Variants in ADCY5 observed in about 807,000 individuals in gnomAD.
ADCY5 encodes adenylate cyclase type 5.
ADCY5 carries 30 observed loss-of-function variants against 119.7 expected under a neutral mutation model. The observed-to-expected ratio is 0.25, with a 90% confidence interval of 0.19 to 0.34. The LOEUF is 0.34. ADCY5 is among the 10% of genes least tolerant of loss of function. The pLI is 1.00. For missense variants in ADCY5, 1,324 were observed against 1,775.2 expected, an observed-to-expected ratio of 0.75 and a Z score of 4.57; for synonymous variants, 753 against 762.2, an observed-to-expected ratio of 0.99 and a Z score of 0.20.
rs1941615232 is a variant in ADCY5, at chr3:123,328,745, C to A, written c.1704G>T (p.Gly568=). Reference sequence around the variant, plus strand: ...GACCAAGGACACCGCAGTGTACTCGCCCGCTGTGAATTCCCACACGCATGT... The same window carrying A: ...GACCAAGGACACCGCAGTGTACTCGACCGCTGTGAATTCCCACACGCATGT... ...NVNMRVGIHS[G]RVHCGVLGLR... is the part of the protein sequence containing the mutation. Residue 568 remains glycine (G), a synonymous_variant, in exon 6 of 21, where the codon GGG becomes GGT. Coordinates refer to ENST00000462833, the MANE Select transcript of ADCY5 (RefSeq NM_183357.3). 1 of 1,614,252 alleles carries A rather than the reference C, an allele frequency of 6.2e-7. No homozygotes were observed. The highest frequency in any genetic ancestry group is 1.1e-5 in the South Asian group (1 of 91,090).
At chr3:123,321,286 C>T (rs1488356406) in intron 8 of ADCY5, among the ~76,000 whole-genome samples, 1 of 152,208 alleles carries the variant, frequency 6.6e-6, no homozygotes, top group Non-Finnish European at 1.5e-5. Context: ...ACTCTAGTTA[C>T]CTGCAACAGC....
chr3:123,436,406 T>TA (rs149690354), intron 1 of ADCY5, among the ~76,000 whole-genome samples: 4,040 of 152,038 alleles, frequency 0.027, 183 homozygotes, highest in African/African-American at 0.09. Flanking sequence ...ATTTGTCTTT[T>TA]AAAAAAACTG....
In ADCY5 at chr3:123,352,938, A is replaced by G. The variant is rs1318818431; in HGVS notation, c.1135-357T>C. Among the ~76,000 whole-genome samples the G allele has an allele frequency of 6.6e-6, 1 of 152,186 alleles. No homozygotes were observed. Among genetic ancestry groups the G allele is most frequent in the African/African-American group, 2.4e-5 (1 of 41,432 alleles). The stretch of plus-strand genomic sequence containing the variant: ...AGGGCCACTGCAAGGAAGGTGCCAC[A>G]AGGGTGCTGGGATTTCACTTTTGAA... On this transcript the variant is annotated intron_variant, in intron 1 of 20. Transcript: ENST00000462833. This position sits in a 1 kb window ranked among gnomAD's most constrained non-coding sequence, Gnocchi z 4.8.
chr3:123,336,843 G>A (rs1047123679), intron 3 of ADCY5, among the ~76,000 whole-genome samples: 3 of 152,172 alleles, frequency 2.0e-5, no homozygotes, highest in Non-Finnish European at 4.4e-5. Context: ...GGCAACTCTT[G>A]TCACACTAGA....
intron 1 of ADCY5, among the ~76,000 whole-genome samples, chr3:123,372,733 T>C (rs1316233507): frequency 6.6e-6 from 1 of 152,194 alleles, no homozygotes; most frequent in Non-Finnish European, 1.5e-5. Flanking sequence ...GAAAGTCAGC[T>C]GTCAGTCAAA....
intron 1 of ADCY5, among the ~76,000 whole-genome samples, chr3:123,378,006 C>T (rs1014609576): frequency 1.3e-5 from 2 of 150,464 alleles, no homozygotes; most frequent in African/African-American, 4.9e-5. Context: ...ACAAAACAAT[C>T]AAACTGGTAT....
chr3:123,408,668 A>G (rs1392797098), intron 1 of ADCY5, among the ~76,000 whole-genome samples: 2 of 135,582 alleles, frequency 1.5e-5, no homozygotes, highest in Non-Finnish European at 3.1e-5. Context: ...AAAAAAAAAA[A>G]GCAGACACAA....
chr3:123,301,145 C>A (rs752812744), intron 14 of ADCY5, among the ~76,000 whole-genome samples: 1 of 141,836 alleles, frequency 7.1e-6, no homozygotes, highest in Non-Finnish European at 1.5e-5. Context: ...ATGCAGATGA[C>A]GTCCCTAGGC....
chr3:123,297,820 A>G (rs1229071920), intron 15 of ADCY5, among the ~76,000 whole-genome samples: 1 of 152,224 alleles, frequency 6.6e-6, no homozygotes, highest in Non-Finnish European at 1.5e-5. Context: ...TGTGTAAAAC[A>G]TACACCAGGT....
chr3:123,431,447 GAAAA>G (rs11307047), intron 1 of ADCY5, among the ~76,000 whole-genome samples: 1 of 150,522 alleles, frequency 6.6e-6, no homozygotes, highest in African/African-American at 2.4e-5. Flanking sequence ...TCTCTCAAAA[GAAAA>G]AAAAAAATGA....
At chr3:123,303,456 G>A (rs1939978216) in intron 13 of ADCY5, among the ~76,000 whole-genome samples, 1 of 146,906 alleles carries the variant, frequency 6.8e-6, no homozygotes, top group Admixed American at 6.8e-5. Context: ...ATGCCTTGGG[G>A]ACATTCCCTA....
chr3:123,329,405 G>A (rs1941653728), intron 5 of ADCY5, among the ~76,000 whole-genome samples: 3 of 152,260 alleles, frequency 2.0e-5, no homozygotes, highest in South Asian at 4.1e-4. Flanking sequence ...CCGGCCACAT[G>A]CACCACATAT....
chr3:123,393,528 G>C (rs867967133), intron 1 of ADCY5, among the ~76,000 whole-genome samples: 29 of 150,222 alleles, frequency 1.9e-4, no homozygotes, highest in African/African-American at 6.7e-4. Context: ...CTGCACTCCA[G>C]CCTGGGCAAC....
chr3:123,362,055 T>C (rs912600604), intron 1 of ADCY5, among the ~76,000 whole-genome samples: 2 of 152,236 alleles, frequency 1.3e-5, no homozygotes, highest in African/African-American at 4.8e-5. Context: ...ATATATTGTT[T>C]ATCCACCATC....
At chr3:123,424,007 T>C (rs900021824) in intron 1 of ADCY5, among the ~76,000 whole-genome samples, 7 of 152,248 alleles carry the variant, frequency 4.6e-5, no homozygotes, top group African/African-American at 1.7e-4. Context: ...GGTTCCATGC[T>C]GGCCTTTGAG....
chr3:123,324,404 C>A (rs1299235331), intron 8 of ADCY5, among the ~76,000 whole-genome samples: 1 of 109,608 alleles, frequency 9.1e-6, no homozygotes, highest in Non-Finnish European at 1.9e-5. Flanking sequence ...CACACAGAAA[C>A]CACACACACA....
At chr3:123,324,397 A>G (rs1408886067) in intron 8 of ADCY5, among the ~76,000 whole-genome samples, 1 of 144,268 alleles carries the variant, frequency 6.9e-6, no homozygotes, top group African/African-American at 2.6e-5. Context: ...AAGTGGCCAC[A>G]CAGAAACCAC....
chr3:123,424,611 G>A (rs1340286349), intron 1 of ADCY5, among the ~76,000 whole-genome samples: 1 of 152,190 alleles, frequency 6.6e-6, no homozygotes, highest in Non-Finnish European at 1.5e-5. Flanking sequence ...TTCTGAGGAG[G>A]TGGCTGCCTC....
chr3:123,427,858 T>C (rs953092532), intron 1 of ADCY5, among the ~76,000 whole-genome samples: 4 of 152,246 alleles, frequency 2.6e-5, no homozygotes, highest in South Asian at 4.1e-4. Context: ...TTGTTCATCT[T>C]GGTTTCCCAG....
Sources: gnomAD v4.1 joint callset for allele counts (sites outside exome capture counted in the v4.1 genomes callset) on GRCh38, gnomAD v4.1.1 for gene constraint, Gnocchi (gnomAD v3.1) non-coding constraint, MANE v1.5 for transcripts, NCBI Gene and HGNC (gene_info 2026-07-23, HGNC 2026-07-21) for gene names.